CATSPERE: variants seen among roughly 807,000 people sequenced by gnomAD.
The protein encoded by CATSPERE is cation channel sperm-associated auxiliary subunit epsilon.
In CATSPERE, 93 loss-of-function variants were observed where a neutral mutation model predicts 114.1. The observed-to-expected ratio is 0.81, with a 90% CI of 0.69 to 0.97. CATSPERE has a LOEUF of 0.97. Among genes scored for constraint, CATSPERE ranks in the 50% least tolerant of loss-of-function variants. The pLI is 0.00. For synonymous variants in CATSPERE, 341 were observed against 384.1 expected (o/e 0.89, Z 1.31); for missense variants, 1,058 against 1,131.6 (o/e 0.93, Z 0.93).
chr1:244,499,111 G>A, intron 7 of CATSPERE, 32 bp downstream of exon 7: 1 of 1,502,178 alleles, frequency 6.7e-7, no homozygotes. Context: ...GTCATAGTAA[G>A]AACAGAATGC....
intron 21 of CATSPERE, among the ~76,000 whole-genome samples, chr1:244,639,544 G>A (rs1395162939): frequency 6.6e-6 from 1 of 152,156 alleles, no homozygotes; most frequent in East Asian, 1.9e-4. Flanking sequence ...ACAAAAATTA[G>A]CTGGGTGTGG....
chr1:244,486,923 A>T (rs1326050543), intron 5 of CATSPERE, among the ~76,000 whole-genome samples: 1 of 137,428 alleles, frequency 7.3e-6, no homozygotes, highest in African/African-American at 2.8e-5. Flanking sequence ...GGCCAGGTGT[A>T]GACCCTCGTA....
intron 2 of CATSPERE, among the ~76,000 whole-genome samples, chr1:244,467,907 C>T (rs1269071604): frequency 6.6e-6 from 1 of 152,068 alleles, no homozygotes; most frequent in African/African-American, 2.4e-5. Context: ...CAAGAGGAAT[C>T]TATGTAATAT....
intron 7 of CATSPERE, among the ~76,000 whole-genome samples, chr1:244,512,266 C>G (rs546560947): frequency 6.6e-6 from 1 of 152,238 alleles, no homozygotes; most frequent in East Asian, 1.9e-4. Context: ...TGGGTTATTG[C>G]AAAAGACCTG....
At chr1:244,494,712 A>G (rs1672824768) in intron 6 of CATSPERE, among the ~76,000 whole-genome samples, 1 of 152,154 alleles carries the variant, frequency 6.6e-6, no homozygotes, top group Admixed American at 6.6e-5. Flanking sequence ...TGAAAATTGA[A>G]ATAAGGTTAT....
chr1:244,582,844 G>GA (rs1666387271), intron 12 of CATSPERE, among the ~76,000 whole-genome samples: 1 of 151,952 alleles, frequency 6.6e-6, no homozygotes, highest in African/African-American at 2.4e-5. Flanking sequence ...TCTCCAGTGA[G>GA]AAAACAGCCA....
chr1:244,545,275 C>T (rs1230604371), intron 8 of CATSPERE, among the ~76,000 whole-genome samples: 1 of 152,182 alleles, frequency 6.6e-6, no homozygotes, highest in Non-Finnish European at 1.5e-5. Context: ...TCTGGCCCCT[C>T]CTATAACCAA....
intron 8 of CATSPERE, among the ~76,000 whole-genome samples, chr1:244,519,400 G>T (rs1677159552): frequency 6.6e-6 from 1 of 152,170 alleles, no homozygotes; most frequent in Admixed American, 6.5e-5. Context: ...ATGACAAACA[G>T]CAGGTCCTCA....
intron 20 of CATSPERE, among the ~76,000 whole-genome samples, chr1:244,624,128 ATT>A (rs58744339): frequency 2.4e-5 from 3 of 125,938 alleles, no homozygotes; most frequent in African/African-American, 5.8e-5. Flanking sequence ...TGCCCAGCTA[ATT>A]TTTTTTTTTT....
intron 17 of CATSPERE, among the ~76,000 whole-genome samples, chr1:244,595,691 G>T (rs942435758): frequency 6.6e-6 from 1 of 152,190 alleles, no homozygotes; most frequent in Non-Finnish European, 1.5e-5. Flanking sequence ...CAGCACTTTG[G>T]GAGGCCGAGG....
At chr1:244,587,423 A>G (rs922445667) in intron 13 of CATSPERE, among the ~76,000 whole-genome samples, 9 of 152,212 alleles carry the variant, frequency 5.9e-5, no homozygotes, top group African/African-American at 2.2e-4. Context: ...TTTCCAGCCC[A>G]TGAAACAAGG....
intron 20 of CATSPERE, among the ~76,000 whole-genome samples, chr1:244,620,820 C>A (rs963219816): frequency 1.1e-4 from 17 of 150,780 alleles, no homozygotes; most frequent in Non-Finnish European, 1.6e-4. Context: ...CTCTATCCCC[C>A]CTAGGGTTAT....
intron 8 of CATSPERE, among the ~76,000 whole-genome samples, chr1:244,519,961 A>T (rs1677249878): frequency 6.6e-6 from 1 of 152,182 alleles, no homozygotes; most frequent in African/African-American, 2.4e-5. Flanking sequence ...CGGATTCACC[A>T]AGAGTTGGGT....
chr1:244,479,746 A>G lies in CATSPERE; in HGVS notation c.288A>G (p.Glu96=). Residue 96 remains glutamate (E), a synonymous_variant, in exon 5 of 22, where the codon GAA becomes GAG. Coordinates refer to ENST00000366534, the MANE Select transcript of CATSPERE (RefSeq NM_001130957.2). The part of the protein sequence containing the change: ...PDEEERYLFV[E]SSHTCFLWYY... ...AAGAAGAACGCTATTTATTTGTGGA[A>G]AGTTCTCATACTTGCTTTCTGTGGT... 6.2e-7 allele frequency: 1 copy of G among 1,600,060 alleles called. No individual in the cohort carries two copies. The highest frequency in any genetic ancestry group is 1.1e-5 in the South Asian group (1 of 89,562).
At chr1:244,493,869 C>G (rs1672647462) in intron 6 of CATSPERE, among the ~76,000 whole-genome samples, 2 of 152,156 alleles carry the variant, frequency 1.3e-5, no homozygotes, top group Admixed American at 6.5e-5. Flanking sequence ...AATCACTGGC[C>G]ATCAGAGAAA....
At chr1:244,454,916 A>G (rs1268903428) in intron 1 of CATSPERE, among the ~76,000 whole-genome samples, 2 of 152,152 alleles carry the variant, frequency 1.3e-5, no homozygotes, top group Admixed American at 6.5e-5. Context: ...CCAATACTGT[A>G]TGAAATTTCT....
rs555401371 is a variant in CATSPERE, at chr1:244,477,603, G to A, written c.177G>A (p.Val59=). 4.4e-6 allele frequency: 7 copies of A among 1,586,866 alleles called. No individual in the cohort carries two copies. In the South Asian group the frequency reaches 6.7e-5, roughly 15 times the overall value. ...TEWSVPETCF[V]LNKSSPTTEL... is the part of the protein sequence containing the mutation. ...GGAGTGTGCCAGAAACTTGTTTTGT[G>A]CTAAATAAAAGGTAAGATTTATGCC... Residue 59 remains valine, a synonymous_variant, in exon 3 of 22, where the codon GTG becomes GTA. Transcript: ENST00000366534.
chr1:244,603,907 C>G (rs1669624901), intron 17 of CATSPERE, among the ~76,000 whole-genome samples: 2 of 152,112 alleles, frequency 1.3e-5, no homozygotes, highest in Admixed American at 1.3e-4. Flanking sequence ...TTAGGAGGAT[C>G]CCTTGAGCCC....
At chr1:244,589,990 G>T (rs1055990969) in intron 14 of CATSPERE, among the ~76,000 whole-genome samples, 12 of 152,166 alleles carry the variant, frequency 7.9e-5, no homozygotes, top group Non-Finnish European at 1.6e-4. Flanking sequence ...ACCTGGAATA[G>T]CATGGGGTCC....
Sources: gnomAD v4.1 joint callset for allele counts (sites outside exome capture counted in the v4.1 genomes callset) on GRCh38, gnomAD v4.1.1 for gene constraint, MANE v1.5 for transcripts, NCBI Gene and HGNC (gene_info 2026-07-23, HGNC 2026-07-21) for gene names.